The following MYO3A variants were observed in gnomAD, a reference collection of about 807,000 sequenced individuals.
MYO3A encodes myosin-IIIa.
A neutral mutation model predicts 192.7 loss-of-function variants in MYO3A; 180 were observed. That is an observed-to-expected ratio of 0.93 (90% CI 0.83 to 1.06). The LOEUF is 1.06. Among genes scored for constraint, MYO3A ranks in the 50% least tolerant of loss-of-function variants. The probability of loss-of-function intolerance (pLI) is 0.00; values close to 1 mark genes in which losing one functional copy is unlikely to be tolerated. For missense variants in MYO3A, 1,896 were observed against 1,905.0 expected, an observed-to-expected ratio of 1.00 and a Z score of 0.09; for synonymous variants, 628 against 645.3, an observed-to-expected ratio of 0.97 and a Z score of 0.41.
chr10:26,125,726 T>G (rs972732111), intron 19 of MYO3A, 118 bp downstream of exon 19: 8 of 897,074 alleles, frequency 8.9e-6, no homozygotes, highest in Middle Eastern at 3.4e-4. Context: ...TGTAATTAAA[T>G]TATTAAAATG....
At chr10:26,134,862 T>C (rs1001576862) in intron 20 of MYO3A, among the ~76,000 whole-genome samples, 8 of 152,170 alleles carry the variant, frequency 5.3e-5, no homozygotes, top group Non-Finnish European at 8.8e-5. Flanking sequence ...AATGTTTTCA[T>C]GAATAGGCAC....
intron 14 of MYO3A, among the ~76,000 whole-genome samples, chr10:26,075,928 T>A (rs1235746453): frequency 6.6e-6 from 1 of 151,738 alleles, no homozygotes; most frequent in Admixed American, 6.6e-5. Context: ...TCCATGATTT[T>A]ACGATTGTAA....
At chr10:25,940,615 T>C (rs1404851052) in intron 2 of MYO3A, among the ~76,000 whole-genome samples, 1 of 152,166 alleles carries the variant, frequency 6.6e-6, no homozygotes, top group Non-Finnish European at 1.5e-5. Context: ...AGAAGTGCTC[T>C]TTCTCAGGGG....
intron 10 of MYO3A, among the ~76,000 whole-genome samples, chr10:26,047,155 T>G (rs555586305): frequency 7.9e-5 from 12 of 152,308 alleles, no homozygotes; most frequent in African/African-American, 2.9e-4. Context: ...TCAAAGAGAT[T>G]TCTGAAAACT....
intron 9 of MYO3A, among the ~76,000 whole-genome samples, chr10:26,024,604 T>A (rs1415297011): frequency 6.6e-6 from 1 of 152,194 alleles, no homozygotes; most frequent in Non-Finnish European, 1.5e-5. Flanking sequence ...TGGCCAGTAA[T>A]GGTCTTTCCT....
intron 4 of MYO3A, among the ~76,000 whole-genome samples, chr10:25,956,616 C>T (rs1178766832): frequency 6.6e-6 from 1 of 150,964 alleles, no homozygotes; most frequent in Non-Finnish European, 1.5e-5. Context: ...AGTGCCTGGT[C>T]TCCATTATGG....
At chr10:26,151,163 A>G (rs1351536679) in intron 23 of MYO3A, among the ~76,000 whole-genome samples, 2 of 152,144 alleles carry the variant, frequency 1.3e-5, no homozygotes, top group Non-Finnish European at 2.9e-5. Context: ...GTTGGATGAA[A>G]TGTTCCATAA....
At chr10:26,018,438 G>A (rs567923958) in intron 7 of MYO3A, among the ~76,000 whole-genome samples, 1 of 152,102 alleles carries the variant, frequency 6.6e-6, no homozygotes, top group African/African-American at 2.4e-5. Context: ...GAATTAGAAA[G>A]CAATAAGGTG....
intron 31 of MYO3A, among the ~76,000 whole-genome samples, chr10:26,177,868 G>C (rs890641011): frequency 3.9e-5 from 6 of 152,196 alleles, no homozygotes; most frequent in African/African-American, 1.4e-4. Context: ...TTGGCTATTT[G>C]CCTGATATGA....
At chr10:26,049,673 CTTT>C (rs66467075) in intron 10 of MYO3A, among the ~76,000 whole-genome samples, 2 of 69,114 alleles carry the variant, frequency 2.9e-5, no homozygotes, top group African/African-American at 1.0e-4. Context: ...TTCTTTCTTT[CTTT>C]TTTTTTTTTT....
intron 14 of MYO3A, among the ~76,000 whole-genome samples, chr10:26,079,979 C>T (rs1230032673): frequency 1.3e-5 from 2 of 152,096 alleles, no homozygotes; most frequent in East Asian, 1.9e-4. Flanking sequence ...TTTTGGATAA[C>T]CTGATGAGAT....
intron 34 of MYO3A, among the ~76,000 whole-genome samples, chr10:26,208,051 G>C (rs1437395796): frequency 6.9e-6 from 1 of 144,648 alleles, no homozygotes; most frequent in Admixed American, 6.9e-5. Context: ...TTGTTTTCTT[G>C]ATTTTTTTTT....
intron 32 of MYO3A, among the ~76,000 whole-genome samples, chr10:26,195,231 A>C (rs79316884): frequency 6.6e-6 from 1 of 152,178 alleles, no homozygotes; most frequent in African/African-American, 2.4e-5. Flanking sequence ...ACAAACCAGT[A>C]ATCTGACTAT....
chr10:26,023,477 G>A (rs1030980005), intron 8 of MYO3A: 1 of 153,654 alleles, frequency 6.5e-6, no homozygotes, highest in Non-Finnish European at 1.4e-5. Flanking sequence ...AATTGTTAAA[G>A]TTGTATTCAC....
At chr10:26,206,512 G>C (rs528908342) in intron 34 of MYO3A, among the ~76,000 whole-genome samples, 1 of 151,440 alleles carries the variant, frequency 6.6e-6, no homozygotes, top group African/African-American at 2.4e-5. Flanking sequence ...TCAATGGCAC[G>C]ATCTTAGCTC....
intron 34 of MYO3A, among the ~76,000 whole-genome samples, chr10:26,210,485 C>T (rs1347146728): frequency 6.6e-6 from 1 of 152,208 alleles, no homozygotes; most frequent in African/African-American, 2.4e-5. Context: ...TGACCATAAT[C>T]TGGCCAGTTC....
chr10:26,043,843 A>G (rs1407335726), intron 10 of MYO3A, among the ~76,000 whole-genome samples: 2 of 152,346 alleles, frequency 1.3e-5, no homozygotes, highest in Non-Finnish European at 2.9e-5. Context: ...GATGCAAGAC[A>G]CAGTCCCCTT....
rs1841207195 is a variant in MYO3A at position 26,157,442 on chromosome 10, G to A, written c.2926G>A (p.Gly976Arg). 6.2e-7 allele frequency: 1 copy of A among 1,614,088 alleles called. No individual in the cohort carries two copies. The stretch of plus-strand genomic sequence containing the variant: ...AGTTCTGCTACAGCTTCGGTACACA[G>A]GAATTCTGGAAACAGCAAGAATTCG... Reference protein sequence around the residue: ...EKVLLQLRYTGILETARIRRL... With the variant: ...EKVLLQLRYTRILETARIRRL... The change falls in exon 26 of 35, where the codon GGA becomes AGA. Residue 976 changes from glycine (G) to arginine (R), a missense_variant. By Grantham distance (125) the Gly-to-Arg change is moderately radical (BLOSUM62 -2). Transcript: ENST00000642920.
intron 31 of MYO3A, among the ~76,000 whole-genome samples, chr10:26,178,848 C>T (rs1200522802): frequency 4.0e-5 from 6 of 151,696 alleles, no homozygotes; most frequent in Non-Finnish European, 1.5e-5. Context: ...GTCACCCAGG[C>T]TGTAGTGCAG....
Sources: gnomAD v4.1 joint callset for allele counts (sites outside exome capture counted in the v4.1 genomes callset) on GRCh38, gnomAD v4.1.1 for gene constraint, MANE v1.5 for transcripts, NCBI Gene and HGNC (gene_info 2026-07-23, HGNC 2026-07-21) for gene names.